MON2: variants seen among roughly 807,000 people sequenced by gnomAD.
MON2 encodes the protein protein MON2 homolog.
MON2 carries 84 observed loss-of-function variants against 208.6 expected under a neutral mutation model. The observed-to-expected ratio is 0.40, with a 90% CI of 0.34 to 0.48. MON2 has a LOEUF of 0.48. Ranked by LOEUF, MON2 falls within the 20% of genes least tolerant of loss-of-function variation. The pLI is 0.59. For synonymous variants in MON2, 660 were observed against 694.0 expected, an observed-to-expected ratio of 0.95 and a Z score of 0.77; for missense variants, 1,611 against 2,015.4, an observed-to-expected ratio of 0.80 and a Z score of 3.84.
intron 7 of MON2, among the ~76,000 whole-genome samples, chr12:62,504,834 A>G (rs1034095293): frequency 2.0e-5 from 3 of 152,244 alleles, no homozygotes; most frequent in Non-Finnish European, 4.4e-5. Flanking sequence ...CTGAGTTGAT[A>G]AGGCTTGATG....
At position 62,467,099 on chromosome 12, in the gene MON2, C is replaced by A; in HGVS notation, c.-109C>A. ...CGCAGCCCAGGGCCCAAGAAGCGGG[C>A]TGCTGAAGGACCAGAGACACCGGGA... On this transcript the variant is annotated 5_prime_UTR_variant, in exon 1 of 35. The change creates a new upstream start codon in the 5' untranslated region. Coordinates refer to ENST00000393630, the MANE Select transcript of MON2 (RefSeq NM_015026.3). 1.2e-6 allele frequency: 1 copy of A among 834,568 alleles called. No homozygotes were observed. Among genetic ancestry groups the A allele is most frequent in the East Asian group, 2.6e-5 (1 of 38,928 alleles). The allele number at this position is 834,568 out of a possible 1,614,324, so 51.7% of individuals were successfully genotyped here.
Position 62,585,490 on chromosome 12 carries a change from C to T in MON2, c.4896C>T (p.Cys1632=). 6.2e-7 allele frequency: 1 copy of T among 1,600,386 alleles called. No homozygotes were observed. Among genetic ancestry groups the T allele is most frequent in the Non-Finnish European group, 8.6e-7 (1 of 1,168,904 alleles). ...AGGATGAAAGATTAAGTGGTAAATG[C>T]CCTCTTCCAAGGTATATATTTCATT... ...YIEDERLSGK[C]PLPRQQVTEI... Residue 1632 remains cysteine, a synonymous_variant, in exon 33 of 35, where the codon TGC becomes TGT. Transcript: ENST00000393630.
In MON2 at chr12:62,556,056, T is replaced by A. The variant is rs758491072; in HGVS notation, c.3273T>A (p.Ile1091=). ...ESSTTADKEK[I]ESGGGNILIH... is the part of the protein sequence containing the mutation. Reference sequence around the variant, plus strand: ...CTACCACTGCAGACAAAGAAAAGATTGAGTCTGGAGGTGGCAATATTCTCA... The same window carrying A: ...CTACCACTGCAGACAAAGAAAAGATAGAGTCTGGAGGTGGCAATATTCTCA... The change falls in exon 25 of 35, where the codon ATT becomes ATA. Residue 1091 remains isoleucine, a synonymous_variant. Transcript: ENST00000393630. 30 of 1,613,808 alleles carry A rather than the reference T, an allele frequency of 1.9e-5. No individual in the cohort carries two copies. Among genetic ancestry groups the A allele is most frequent in the Middle Eastern group, 3.3e-4 (2 of 6,082 alleles).
rs967716939 is a variant in MON2, at chr12:62,561,767, G to A, written c.4032+654G>A. Among the ~76,000 whole-genome samples the A allele has an allele frequency of 4.6e-5, 7 of 152,200 alleles. No homozygotes were observed. The South Asian group carries it at 1.2e-3, about 27-fold the overall frequency. On this transcript the variant is annotated intron_variant, in intron 26 of 34. Transcript: ENST00000393630. ...TAAGCTTTAAAAAAATGCCAACTGA[G>A]TAGCCAGCCATTCCAACAAAGTAAA... is the stretch of plus-strand genomic sequence containing the variant.
Position 62,543,122 on chromosome 12 carries a change from A to C in MON2, c.2390A>C (p.Lys797Thr), listed in dbSNP as rs1451574885. Residue 797 changes from lysine (K) to threonine (T), a missense_variant, in exon 20 of 35, where the codon AAA becomes ACA. Coordinates refer to ENST00000393630, the MANE Select transcript of MON2 (RefSeq NM_015026.3). ...GAACCATCTCTTTTTGCTGTTGCCA[A>C]ATTGTTAGAAACTGGTTTAGTTAAT... ...NKEPSLFAVA[K>T]LLETGLVNMH... 2 of 1,578,224 alleles carry C rather than the reference A, an allele frequency of 1.3e-6. No homozygotes were observed. Among genetic ancestry groups the C allele is most frequent in the Non-Finnish European group, 1.7e-6 (2 of 1,166,508 alleles).
At chr12:62,548,147 A>G (rs1176443400) in intron 22 of MON2, among the ~76,000 whole-genome samples, 1 of 152,216 alleles carries the variant, frequency 6.6e-6, no homozygotes, top group Non-Finnish European at 1.5e-5. Context: ...ACTTAATCAC[A>G]TATGAATTTT....
At chr12:62,540,007 T>C (rs2073162189) in intron 19 of MON2, among the ~76,000 whole-genome samples, 1 of 152,108 alleles carries the variant, frequency 6.6e-6, no homozygotes, top group Non-Finnish European at 1.5e-5. Context: ...TTGTTCTAAA[T>C]CAGGGCAAGG....
intron 14 of MON2, 49 bp from the exon 15 acceptor site, chr12:62,537,102 G>T: frequency 9.0e-7 from 1 of 1,115,784 alleles, no homozygotes; most frequent in South Asian, 1.7e-5. Context: ...TACTTTAAAT[G>T]CAATATAAAA....
In MON2 at chr12:62,473,726, C is replaced by T. The variant is rs549373006; in HGVS notation, c.111+6408C>T. On this transcript the variant is annotated intron_variant, in intron 1 of 34. Coordinates refer to ENST00000393630, the MANE Select transcript of MON2 (RefSeq NM_015026.3). ...CTGGGACTGTAGGCAGATGCCACCA[C>T]GGCTGGCAAATTTTTGTATTTTTTC... Among the ~76,000 whole-genome samples the T allele has an allele frequency of 6.6e-5, 10 of 152,174 alleles. No homozygotes were observed. The South Asian group carries it at 8.3e-4, about 13-fold the overall frequency.
intron 26 of MON2, among the ~76,000 whole-genome samples, chr12:62,563,851 A>G (rs1482364945): frequency 6.6e-6 from 1 of 152,128 alleles, no homozygotes; most frequent in Non-Finnish European, 1.5e-5. Context: ...GTTGTTAGAC[A>G]TTGAAAATAA....
rs1246087694 is a variant in MON2 at position 62,593,180 on chromosome 12, A to C, written c.*431A>C. On this transcript the variant is annotated 3_prime_UTR_variant, in exon 35 of 35. Coordinates refer to ENST00000393630, the MANE Select transcript of MON2 (RefSeq NM_015026.3). ...AAATCGTACTAGAATTTTATGCAAG[A>C]TGGTACTGTAACATTCCATATTATC... is the stretch of plus-strand genomic sequence containing the variant. 6.4e-6 allele frequency: 1 copy of C among 156,510 alleles called. No individual in the cohort carries two copies. The highest frequency in any genetic ancestry group is 1.4e-5 in the Non-Finnish European group (1 of 70,138). The allele number at this position is 156,510 out of a possible 1,614,324, so 9.7% of individuals were successfully genotyped here.
intron 22 of MON2, among the ~76,000 whole-genome samples, chr12:62,547,341 A>C (rs1304083352): frequency 6.6e-6 from 1 of 152,168 alleles, no homozygotes; most frequent in Non-Finnish European, 1.5e-5. Flanking sequence ...TTTAACATTC[A>C]TGCAAGAATA....
intron 8 of MON2, among the ~76,000 whole-genome samples, chr12:62,521,975 T>A (rs2072068136): frequency 6.6e-6 from 1 of 152,150 alleles, no homozygotes; most frequent in Admixed American, 6.5e-5. Flanking sequence ...GGTGGATCAC[T>A]TGAGGTCAGG....
intron 30 of MON2, among the ~76,000 whole-genome samples, chr12:62,574,506 A>C (rs914662720): frequency 6.6e-6 from 1 of 152,026 alleles, no homozygotes; most frequent in Non-Finnish European, 1.5e-5. Context: ...CCTCTCTTGT[A>C]GCTCGGACTA....
intron 6 of MON2, 112 bp downstream of exon 6, chr12:62,500,992 C>A: frequency 3.4e-6 from 2 of 591,536 alleles, no homozygotes; most frequent in Non-Finnish European, 5.8e-6. Flanking sequence ...GAAAATATGT[C>A]AAAGGTAGTA....
intron 6 of MON2, among the ~76,000 whole-genome samples, 172 bp from the exon 7 acceptor site, chr12:62,501,401 T>C (rs2070823779): frequency 6.6e-6 from 1 of 152,254 alleles, no homozygotes; most frequent in African/African-American, 2.4e-5. Flanking sequence ...TTTACTTATA[T>C]AATCTATCAA....
At chr12:62,569,716 T>C (rs180915288) in intron 29 of MON2, among the ~76,000 whole-genome samples, 5 of 152,262 alleles carry the variant, frequency 3.3e-5, no homozygotes, top group Admixed American at 3.3e-4. Flanking sequence ...AATCAACTCA[T>C]CATCTCTTTG....
chr12:62,536,586 A>G (rs1017044427), intron 14 of MON2, among the ~76,000 whole-genome samples: 4 of 152,320 alleles, frequency 2.6e-5, no homozygotes, highest in South Asian at 2.1e-4. Context: ...TGTATTGCTT[A>G]TGAAGAAATC....
At chr12:62,501,331 A>G (rs1376616137) in intron 6 of MON2, among the ~76,000 whole-genome samples, 1 of 152,204 alleles carries the variant, frequency 6.6e-6, no homozygotes, top group Non-Finnish European at 1.5e-5. Context: ...ATAATGTTAG[A>G]TTAATCATTT....
Sources: allele counts gnomAD v4.1 joint callset (sites outside exome capture counted in the v4.1 genomes callset), GRCh38; gene constraint gnomAD v4.1.1; transcripts MANE v1.5; gene names NCBI Gene and HGNC (gene_info 2026-07-23, HGNC 2026-07-21).